Variants in SORT1 observed in about 807,000 individuals in gnomAD.
SORT1 encodes sortilin.
In SORT1, 39 loss-of-function variants were observed where a neutral mutation model predicts 101.7. The observed-to-expected ratio is 0.38, with a 90% confidence interval of 0.30 to 0.50. The LOEUF is 0.50. Among genes scored for constraint, SORT1 ranks in the 20% least tolerant of loss-of-function variants. The pLI is 0.90. For synonymous variants in SORT1, 396 were observed against 393.7 expected, an observed-to-expected ratio of 1.01 and a Z score of -0.07; for missense variants, 878 against 1,040.4, an observed-to-expected ratio of 0.84 and a Z score of 2.15.
At chr1:109,327,337 T>C (rs886689102) in intron 12 of SORT1, among the ~76,000 whole-genome samples, 162 bp downstream of exon 12, 7 of 152,234 alleles carry the variant, frequency 4.6e-5, no homozygotes, top group South Asian at 4.1e-4. Flanking sequence ...CTGATAAAAG[T>C]TGATGAAAAA....
At chr1:109,380,895 G>A (rs11102978) in intron 1 of SORT1, among the ~76,000 whole-genome samples, 1 of 151,286 alleles carries the variant, frequency 6.6e-6, no homozygotes, top group South Asian at 2.1e-4. Flanking sequence ...AGGAGGCTGA[G>A]ATGGGAGGGT....
chr1:109,351,965 G>GGTGTGT lies in SORT1; in HGVS notation c.709-969_709-964dup, dbSNP rs10540637. Among the ~76,000 whole-genome samples, 1,457 of 147,468 alleles carry GGTGTGT rather than the reference G, an allele frequency of 9.9e-3. 23 individuals are homozygous for GGTGTGT. The highest frequency in any genetic ancestry group is 0.034 in the African/African-American group (1,340 of 39,748). ...CCTGCAGGGCAGGATGAGAGGTAGG[G>GGTGTGT]GTGTGTGTGTGTGTGTGTGTGTGTG... On this transcript the variant is annotated intron_variant, in intron 5 of 19. Transcript: ENST00000256637.
intron 1 of SORT1, among the ~76,000 whole-genome samples, chr1:109,376,382 C>A (rs952494714): frequency 6.7e-6 from 1 of 149,620 alleles, no homozygotes; most frequent in African/African-American, 2.5e-5. Context: ...TCTGACCCAG[C>A]AATCCTGTTA....
chr1:109,381,871 A>G (rs1299246043), intron 1 of SORT1, among the ~76,000 whole-genome samples: 4 of 142,432 alleles, frequency 2.8e-5, no homozygotes, highest in Non-Finnish European at 4.5e-5. Context: ...CTTAAAAAAG[A>G]AAAAAAAAAG....
intron 15 of SORT1, among the ~76,000 whole-genome samples, chr1:109,322,226 C>T (rs1304129103): frequency 2.0e-5 from 3 of 152,140 alleles, no homozygotes. Flanking sequence ...GCATGAGCCA[C>T]CGTGCCTGGC....
intron 1 of SORT1, among the ~76,000 whole-genome samples, chr1:109,370,166 T>C (rs1239598225): frequency 2.0e-5 from 3 of 152,068 alleles, no homozygotes; most frequent in Non-Finnish European, 4.4e-5. Context: ...CTTACTAGAG[T>C]TGCAGTGAGA....
chr1:109,313,749 T>G lies in SORT1; in HGVS notation c.*294A>C. Reference sequence around the variant, plus strand: ...CCTTCGAATTCCATTTCGTTTCCCTTAAAAAACAAAAACAAAAAAGCCCAT... The same window carrying G: ...CCTTCGAATTCCATTTCGTTTCCCTGAAAAAACAAAAACAAAAAAGCCCAT... On this transcript the variant is annotated 3_prime_UTR_variant, in exon 20 of 20. Transcript: ENST00000256637. The G allele has an allele frequency of 2.6e-6, 1 of 384,444 alleles. No individual in the cohort carries two copies. The allele number at this position is 384,444 out of a possible 1,614,324, so 23.8% of individuals were successfully genotyped here. A position where few individuals can be genotyped will look rare whatever the true frequency, so the allele number is the denominator to read the frequency against.
intron 1 of SORT1, chr1:109,392,979 T>C: frequency 1.0e-6 from 1 of 985,462 alleles, no homozygotes; most frequent in Non-Finnish European, 1.2e-6. Flanking sequence ...GGCCAAGTAT[T>C]GGAAGAAATG....
rs1216417785 is a variant in SORT1, at chr1:109,326,998, A to G, written c.1637T>C (p.Val546Ala). ...GAGATGAGTTCATGCATACTTAATC[A>G]CATTGATAGGACGGCTGCTGTGCTC... ...AIEHSSRPIN[V>A]IKFSTDEGQC... The change falls in exon 13 of 20, where the codon GTG becomes GCG. Residue 546 changes from valine to alanine, a missense_variant. Val to Ala is a moderately conservative substitution (Grantham distance 64). Around this residue, in one of 2 missense-constraint regions of SORT1, gnomAD observed 684 missense variants for 894.5 expected, o/e 0.76. Transcript: ENST00000256637. 1.2e-6 allele frequency: 2 copies of G among 1,611,010 alleles called. No individual in the cohort carries two copies. The highest frequency in any genetic ancestry group is 1.7e-6 in the Non-Finnish European group (2 of 1,179,160).
chr1:109,368,547 CA>C (rs1435215469), intron 2 of SORT1: 2 of 152,086 alleles, frequency 1.3e-5, no homozygotes, highest in African/African-American at 4.8e-5. Flanking sequence ...TATGGAATAC[CA>C]GGGGGCAGGA....
Position 109,345,763 on chromosome 1 carries a change from C to T in SORT1, c.951G>A (p.Val317=), listed in dbSNP as rs778370602. 4 of 1,613,504 alleles carry T rather than the reference C, an allele frequency of 2.5e-6. No individual in the cohort carries two copies. The highest frequency in any genetic ancestry group is 3.4e-6 in the Non-Finnish European group (4 of 1,179,782). Residue 317 remains valine, a synonymous_variant, in exon 8 of 20, where the codon GTG becomes GTA. Transcript: ENST00000256637. ...GGGCAATACCTACCTTATCAGCCAT[C>T]ACAGAGGCAAAAAGGAAACGTCCCC... ...GLGGRFLFAS[V]MADKDTTRRI... is the part of the protein sequence containing the mutation.
In SORT1 at chr1:109,389,325, G is replaced by A. The variant is rs1293355601; in HGVS notation, c.306+8262C>T. Among the ~76,000 whole-genome samples the A allele has an allele frequency of 6.6e-5, 10 of 150,582 alleles. No homozygotes were observed. The East Asian group carries it at 1.9e-3, about 29-fold the overall frequency. On this transcript the variant is annotated intron_variant, in intron 1 of 19. Coordinates refer to ENST00000256637, the MANE Select transcript of SORT1 (RefSeq NM_002959.7). ...CTAGAAAGGCTAGTTGAGCTCTGTTGAGGGTACTATGACCTTGAGAAAAAG... is the reference window on the plus strand; with the variant it reads ...CTAGAAAGGCTAGTTGAGCTCTGTTAAGGGTACTATGACCTTGAGAAAAAG...
intron 11 of SORT1, among the ~76,000 whole-genome samples, chr1:109,328,960 G>T (rs1157597229): frequency 6.6e-6 from 1 of 152,142 alleles, no homozygotes; most frequent in Non-Finnish European, 1.5e-5. Flanking sequence ...GGCTCCAGGT[G>T]TTTCACCTGA....
intron 1 of SORT1, chr1:109,389,974 T>G (rs1652802721): frequency 1.3e-5 from 2 of 152,284 alleles, no homozygotes; most frequent in Non-Finnish European, 2.9e-5. Context: ...CCCTCCTCTC[T>G]TTCCATCCCC....
chr1:109,371,856 G>A (rs1651502161), intron 1 of SORT1, among the ~76,000 whole-genome samples: 1 of 152,122 alleles, frequency 6.6e-6, no homozygotes, highest in African/African-American at 2.4e-5. Context: ...ATGAAGATTT[G>A]CTTTTGAAAA....
At chr1:109,337,164 C>T (rs1330109802) in intron 10 of SORT1, among the ~76,000 whole-genome samples, 3 of 152,140 alleles carry the variant, frequency 2.0e-5, no homozygotes, top group Non-Finnish European at 4.4e-5. Flanking sequence ...CTCGTCTCTT[C>T]CCCATTCTTA....
intron 3 of SORT1, among the ~76,000 whole-genome samples, chr1:109,360,730 G>A (rs1015953854): frequency 3.9e-5 from 6 of 152,128 alleles, no homozygotes; most frequent in African/African-American, 1.2e-4. Flanking sequence ...TCCCAGACAC[G>A]CTGGGATTGT....
intron 14 of SORT1, 104 bp from the exon 15 acceptor site, chr1:109,323,225 GTC>G (rs1429677695): frequency 2.2e-5 from 17 of 766,882 alleles, no homozygotes; most frequent in Non-Finnish European, 3.5e-5. Flanking sequence ...AAGTGGGAAT[GTC>G]TGACTCAACC....
At chr1:109,364,689 G>C (rs1399799147) in intron 3 of SORT1, among the ~76,000 whole-genome samples, 1 of 152,192 alleles carries the variant, frequency 6.6e-6, no homozygotes, top group East Asian at 1.9e-4. Context: ...TGCATTTGTA[G>C]AAGACGTGGA....
Sources: allele counts gnomAD v4.1 joint callset (sites outside exome capture counted in the v4.1 genomes callset), GRCh38; gene constraint gnomAD v4.1.1; regional missense constraint gnomAD v4.1.1; transcripts MANE v1.5; gene names NCBI Gene and HGNC (gene_info 2026-07-23, HGNC 2026-07-21).